ZDHHC7: variants seen among roughly 807,000 people sequenced by gnomAD.
ZDHHC7 encodes the protein zDHHC palmitoyltransferase 7.
ZDHHC7 carries 12 observed loss-of-function variants against 34.1 expected under a neutral mutation model. That is an observed-to-expected ratio of 0.35 (90% CI 0.23 to 0.57). The LOEUF (loss-of-function observed/expected upper bound fraction) is 0.57. Among genes scored for constraint, ZDHHC7 ranks in the 20% least tolerant of loss-of-function variants. ZDHHC7 has a pLI of 0.84. For synonymous variants in ZDHHC7, 185 were observed against 155.4 expected (o/e 1.19, Z -1.42); for missense variants, 388 against 402.7 (o/e 0.96, Z 0.31).
the ZDHHC7 span, among the ~76,000 whole-genome samples, chr16:85,022,936 CT>C: frequency 7.9e-5 from 12 of 152,228 alleles, no homozygotes; most frequent in African/African-American, 2.9e-4. Flanking sequence ...ATATCAGTGT[CT>C]TAAAGGACAA....
upstream of ZDHHC7, among the ~76,000 whole-genome samples, chr16:85,013,146 T>G (rs1208380472): frequency 6.6e-6 from 1 of 152,176 alleles, no homozygotes. Flanking sequence ...TTAAGTTTCT[T>G]CCCATATATA....
At chr16:84,985,099 C>T (rs1447833860) in intron 3 of ZDHHC7, among the ~76,000 whole-genome samples, 1 of 152,198 alleles carries the variant, frequency 6.6e-6, no homozygotes, top group Non-Finnish European at 1.5e-5. Flanking sequence ...TCTTGTGGGA[C>T]TGACCATAGG....
At chr16:84,995,132 G>C (rs913221105) in intron 2 of ZDHHC7, among the ~76,000 whole-genome samples, 5 of 152,138 alleles carry the variant, frequency 3.3e-5, no homozygotes, top group African/African-American at 1.2e-4. Flanking sequence ...CAGTTTCTGA[G>C]GGAACCGTGA....
intron 5 of ZDHHC7, 108 bp downstream of exon 5, chr16:84,979,081 G>T: frequency 9.4e-7 from 1 of 1,066,772 alleles, no homozygotes; most frequent in Non-Finnish European, 1.3e-6. Context: ...TGGAGAAAAG[G>T]CTGGAGAGAA....
chr16:84,996,808 C>T (rs1384014762), intron 1 of ZDHHC7, among the ~76,000 whole-genome samples: 2 of 152,082 alleles, frequency 1.3e-5, no homozygotes, highest in Non-Finnish European at 2.9e-5. Context: ...GCGGGTGGAT[C>T]ATGAGGTCAG....
intron 2 of ZDHHC7, among the ~76,000 whole-genome samples, chr16:84,994,501 G>C (rs192716900): frequency 6.6e-6 from 1 of 152,342 alleles, no homozygotes; most frequent in East Asian, 1.9e-4. Context: ...GGCAGTCTGA[G>C]CTCTCTCCAG....
At chr16:84,995,044 G>C (rs1182275282) in intron 2 of ZDHHC7, among the ~76,000 whole-genome samples, 1 of 152,134 alleles carries the variant, frequency 6.6e-6, no homozygotes, top group Non-Finnish European at 1.5e-5. Flanking sequence ...GTATTAAAAT[G>C]TACACATTCC....
At position 84,999,556 on chromosome 16, in the gene ZDHHC7, C is replaced by T. The variant is rs189668360; in HGVS notation, c.-103-3549G>A. Among the ~76,000 whole-genome samples the T allele has an allele frequency of 9.2e-5, 14 of 152,202 alleles. No homozygotes were observed. In the East Asian group the frequency reaches 2.7e-3, roughly 29 times the overall value. ...AAAAAGCAGGAAAATATTACTGATA[C>T]AAGCAACATGGCTAAATCTCAAAAA... On this transcript the variant is annotated intron_variant, in intron 1 of 7. Transcript: ENST00000313732.
the ZDHHC7 span, among the ~76,000 whole-genome samples, chr16:85,021,746 A>G: frequency 6.6e-6 from 1 of 150,658 alleles, no homozygotes; most frequent in South Asian, 2.1e-4. Flanking sequence ...AGAGAAAGAG[A>G]ACAAGAGAGA....
At chr16:85,022,065 C>A in the ZDHHC7 span, among the ~76,000 whole-genome samples, 1 of 150,990 alleles carries the variant, frequency 6.6e-6, no homozygotes, top group Non-Finnish European at 1.5e-5. Context: ...GAGGCTGAGG[C>A]AGGAGAATGG....
Position 84,977,193 on chromosome 16 carries a change from T to C in ZDHHC7, c.652A>G (p.Ile218Val). ...TCAAGGCACAGGAAGATCAACAGGA[T>C]TACAGTTATCGGAGGTGAAAAATCA... is the stretch of plus-strand genomic sequence containing the variant. ...CSDFSPPITVILLIFLCLEGL... is the reference protein window; with the variant it reads ...CSDFSPPITVVLLIFLCLEGL... The change falls in exon 7 of 8, where the codon ATC (isoleucine) becomes GTC (valine). Residue 218 changes from isoleucine (I) to valine (V), a missense_variant. By Grantham distance (29) the Ile-to-Val change is conservative (BLOSUM62 3). Coordinates refer to ENST00000313732, the MANE Select transcript of ZDHHC7 (RefSeq NM_017740.3). 1 of 1,614,142 alleles carries C rather than the reference T, an allele frequency of 6.2e-7. No individual in the cohort carries two copies. The highest frequency in any genetic ancestry group is 8.5e-7 in the Non-Finnish European group (1 of 1,180,032).
Position 84,977,931 on chromosome 16 carries a change from C to A in ZDHHC7, c.612G>T (p.Gln204His). The A allele has an allele frequency of 1.9e-6, 3 of 1,613,732 alleles. No individual in the cohort carries two copies. The highest frequency in any genetic ancestry group is 2.5e-6 in the Non-Finnish European group (3 of 1,179,656). The change falls in exon 6 of 8, where the codon CAG becomes CAT. Residue 204 changes from glutamine to histidine, a missense_variant. By Grantham distance (24) the Gln-to-His change is conservative. Coordinates refer to ENST00000313732, the MANE Select transcript of ZDHHC7 (RefSeq NM_017740.3). Reference protein sequence around the residue: ...GFQFISCVRGQWTECSDFSPP... With the variant: ...GFQFISCVRGHWTECSDFSPP... ...CATAGCCAGGGAACTTACCAGTCCA[C>A]TGCCCTCGGACACAGGAGATGAACT...
At chr16:85,007,455 G>T (rs1173341388) in intron 1 of ZDHHC7, among the ~76,000 whole-genome samples, 1 of 150,870 alleles carries the variant, frequency 6.6e-6, no homozygotes, top group South Asian at 2.1e-4. Flanking sequence ...GAATGGAATG[G>T]AACTCAGAAG....
chr16:84,989,458 G>C (rs2072479450), intron 3 of ZDHHC7, among the ~76,000 whole-genome samples: 1 of 152,172 alleles, frequency 6.6e-6, no homozygotes, highest in African/African-American at 2.4e-5. Context: ...CACTTTGGGA[G>C]GCCAAGGCGG....
At chr16:85,003,105 C>A (rs2072673776) in intron 1 of ZDHHC7, among the ~76,000 whole-genome samples, 1 of 152,074 alleles carries the variant, frequency 6.6e-6, no homozygotes, top group Admixed American at 6.6e-5. Context: ...AAGGCAAGAC[C>A]AAGATGCAAG....
At chr16:84,990,870 C>G (rs890109551) in intron 2 of ZDHHC7, among the ~76,000 whole-genome samples, 11 of 152,028 alleles carry the variant, frequency 7.2e-5, no homozygotes, top group South Asian at 4.1e-4. Flanking sequence ...TATACAAAAC[C>G]TATCTATGGC....
chr16:84,976,657 G>GC, intron 7 of ZDHHC7, 138 bp from the exon 8 acceptor site: 1 of 1,259,156 alleles, frequency 7.9e-7, no homozygotes, highest in Non-Finnish European at 1.1e-6. Context: ...TCCCAGCTCT[G>GC]CCCCGATCCA....
At chr16:85,025,075 G>C in the ZDHHC7 span, among the ~76,000 whole-genome samples, 1 of 152,022 alleles carries the variant, frequency 6.6e-6, no homozygotes, top group Admixed American at 6.6e-5. Context: ...CCAGCAGTTC[G>C]AGACCAGCCT....
intron 1 of ZDHHC7, among the ~76,000 whole-genome samples, chr16:84,999,662 C>T (rs922546687): frequency 1.3e-5 from 2 of 152,036 alleles, no homozygotes; most frequent in African/African-American, 2.4e-5. Flanking sequence ...ATGAGGCAAA[C>T]TCGTTTATTT....
Sources: allele counts gnomAD v4.1 joint callset (sites outside exome capture counted in the v4.1 genomes callset), GRCh38; gene constraint gnomAD v4.1.1; transcripts MANE v1.5; gene names NCBI Gene and HGNC (gene_info 2026-07-23, HGNC 2026-07-21).